The following PCDHA13 variants were observed in gnomAD, a reference collection of about 807,000 sequenced individuals.
The protein encoded by PCDHA13 is protocadherin alpha 13.
Under a neutral mutation model 64.8 loss-of-function variants are expected in PCDHA13, and 54 were observed. The ratio of observed to expected loss-of-function variants is 0.83; its 90% CI spans 0.67 to 1.04. The LOEUF is 1.04. Ranked by LOEUF, PCDHA13 falls within the 50% of genes least tolerant of loss-of-function variation. The probability of loss-of-function intolerance (pLI) is 0.00; values close to 1 mark genes in which losing one functional copy is unlikely to be tolerated. For missense variants in PCDHA13, 1,248 were observed against 1,254.3 expected, an observed-to-expected ratio of 0.99 and a Z score of 0.08; for synonymous variants, 587 against 564.4, an observed-to-expected ratio of 1.04 and a Z score of -0.57.
Position 141,009,950 on chromosome 5 carries a change from G to C in PCDHA13, c.*13G>C, listed in dbSNP as rs782235440. On this transcript the variant is annotated 3_prime_UTR_variant, in exon 4 of 4. Coordinates refer to ENST00000289272, the MANE Select transcript of PCDHA13 (RefSeq NM_018904.3). ...CAGTGACCAGTGAGGTCCTCAAATGGAAACAAGCCACTTAGCCAGTTTTTG... is the reference window on the plus strand; with the variant it reads ...CAGTGACCAGTGAGGTCCTCAAATGCAAACAAGCCACTTAGCCAGTTTTTG... 12 of 1,593,098 alleles carry C rather than the reference G, an allele frequency of 7.5e-6. No individual in the cohort carries two copies. In the East Asian group the frequency reaches 2.5e-4, roughly 33 times the overall value.
At chr5:140,952,160 G>A (rs952147312) in intron 1 of PCDHA13, among the ~76,000 whole-genome samples, 1 of 152,044 alleles carries the variant, frequency 6.6e-6, no homozygotes, top group Non-Finnish European at 1.5e-5. Context: ...GGCTTTGTGG[G>A]GTTCAGTTCC....
At position 140,924,716 on chromosome 5, in the gene PCDHA13, G is replaced by A. The variant is rs534222527; in HGVS notation, c.2394+40054G>A. On this transcript the variant is annotated intron_variant, in intron 1 of 3. Coordinates refer to ENST00000289272, the MANE Select transcript of PCDHA13 (RefSeq NM_018904.3). The stretch of plus-strand genomic sequence containing the variant: ...TCGAGACCAGCTTGTGCAACATGGC[G>A]AAACCTCACCTCTAATAAAAATACA... Among the ~76,000 whole-genome samples, 5 of 151,980 alleles carry A rather than the reference G, an allele frequency of 3.3e-5. No homozygotes were observed. The South Asian group carries it at 1.0e-3, about 32-fold the overall frequency.
Position 140,979,011 on chromosome 5 carries a change from T to C in PCDHA13, c.2453+4T>C. On this transcript the variant is annotated splice_donor_region_variant and intron_variant, in intron 2 of 3. Coordinates refer to ENST00000289272, the MANE Select transcript of PCDHA13 (RefSeq NM_018904.3). ...CCCTGAGAGCAGGCATGCACAGGTA[T>C]GTATTTCCCTCCTCATTCACTCAGA... The C allele has an allele frequency of 6.2e-7, 1 of 1,613,950 alleles. No homozygotes were observed. The highest frequency in any genetic ancestry group is 8.5e-7 in the Non-Finnish European group (1 of 1,179,938).
At chr5:140,987,588 A>G (rs1479484790) in intron 3 of PCDHA13, among the ~76,000 whole-genome samples, 1 of 152,220 alleles carries the variant, frequency 6.6e-6, no homozygotes, top group Non-Finnish European at 1.5e-5. Flanking sequence ...TGGGGAGAAT[A>G]GTGGTGTCTA....
intron 3 of PCDHA13, among the ~76,000 whole-genome samples, chr5:141,004,093 C>T (rs1016954345): frequency 1.3e-5 from 2 of 152,164 alleles, no homozygotes; most frequent in African/African-American, 4.8e-5. Flanking sequence ...GTGCTTCTTC[C>T]GTTTTCATCT....
At chr5:140,907,975 G>A (rs1242073777) in intron 1 of PCDHA13, among the ~76,000 whole-genome samples, 1 of 152,154 alleles carries the variant, frequency 6.6e-6, no homozygotes, top group Non-Finnish European at 1.5e-5. Flanking sequence ...TTCCAATCAT[G>A]CTTCTTCCAA....
intron 3 of PCDHA13, among the ~76,000 whole-genome samples, chr5:140,995,275 A>G (rs1383239362): frequency 6.6e-6 from 1 of 152,146 alleles, no homozygotes; most frequent in African/African-American, 2.4e-5. Context: ...GCCCTTTGAT[A>G]CCAAAACAGC....
chr5:140,922,799 A>T (rs1188093750), intron 1 of PCDHA13, among the ~76,000 whole-genome samples: 1 of 152,264 alleles, frequency 6.6e-6, no homozygotes, highest in Non-Finnish European at 1.5e-5. Context: ...GCTTTGGAAT[A>T]CAGAAAAAGG....
intron 1 of PCDHA13, among the ~76,000 whole-genome samples, chr5:140,917,533 T>C (rs1584058253): frequency 6.6e-6 from 1 of 152,346 alleles, no homozygotes; most frequent in East Asian, 1.9e-4. Context: ...GTTTGTATAG[T>C]TTTAGGTTTT....
Position 141,003,903 on chromosome 5 carries a change from G to C in PCDHA13, c.2543-5724G>C, listed in dbSNP as rs150270772. Among the ~76,000 whole-genome samples, 254 of 152,194 alleles carry C rather than the reference G, an allele frequency of 1.7e-3. 1 individual carries two copies. Among genetic ancestry groups the C allele is most frequent in the Non-Finnish European group, 3.4e-3 (231 of 67,998 alleles). ...AGCCTCTTAACAGGCCCATTCATTT[G>C]GGTCTTGACTGCATCCTCAGTCTTG... On this transcript the variant is annotated intron_variant, in intron 3 of 3. Coordinates refer to ENST00000289272, the MANE Select transcript of PCDHA13 (RefSeq NM_018904.3).
intron 1 of PCDHA13, among the ~76,000 whole-genome samples, chr5:140,886,663 T>G (rs1164928390): frequency 6.6e-6 from 1 of 151,786 alleles, no homozygotes; most frequent in Non-Finnish European, 1.5e-5. Flanking sequence ...CTGTCTCTAC[T>G]AAAAATACAA....
At chr5:140,929,036 C>T in intron 1 of PCDHA13, 1 of 1,614,178 alleles carries the variant, frequency 6.2e-7, no homozygotes, top group Non-Finnish European at 8.5e-7. Flanking sequence ...GGCTGTTGCG[C>T]TCAGAGCTGC....
chr5:141,001,764 G>A (rs1186356180), intron 3 of PCDHA13, among the ~76,000 whole-genome samples: 1 of 152,160 alleles, frequency 6.6e-6, no homozygotes, highest in East Asian at 1.9e-4. Context: ...GATGGCGGAT[G>A]GTTTTTGCCT....
intron 1 of PCDHA13, among the ~76,000 whole-genome samples, chr5:140,923,449 G>A (rs189150090): frequency 6.6e-6 from 1 of 152,166 alleles, no homozygotes; most frequent in African/African-American, 2.4e-5. Flanking sequence ...GATCACCTGA[G>A]CCCAGAGAGG....
chr5:140,938,679 T>C (rs574212689), intron 1 of PCDHA13, among the ~76,000 whole-genome samples: 1 of 152,302 alleles, frequency 6.6e-6, no homozygotes, highest in South Asian at 2.1e-4. Flanking sequence ...CCTAACATTT[T>C]CTTTACAGTT....
Position 140,963,207 on chromosome 5 carries a change from C to A in PCDHA13, c.2395-15742C>A, listed in dbSNP as rs180756619. Among the ~76,000 whole-genome samples, 890 of 148,428 alleles carry A rather than the reference C, an allele frequency of 6.0e-3. 8 individuals are homozygous for A. Among genetic ancestry groups the A allele is most frequent in the African/African-American group, 0.021 (788 of 38,366 alleles). On this transcript the variant is annotated intron_variant, in intron 1 of 3. Transcript: ENST00000289272. Reference sequence around the variant, plus strand: ...TAGACTGTGAAAATGAAAAAAAAAACCTCGTGTTTAGAGTAGACACTGTTT... The same window carrying A: ...TAGACTGTGAAAATGAAAAAAAAAAACTCGTGTTTAGAGTAGACACTGTTT...
At chr5:140,986,950 A>C (rs1161887732) in intron 3 of PCDHA13, among the ~76,000 whole-genome samples, 1 of 152,164 alleles carries the variant, frequency 6.6e-6, no homozygotes, top group Admixed American at 6.5e-5. Flanking sequence ...GTGGTCGCTC[A>C]TGCCTGTAAT....
intron 1 of PCDHA13, among the ~76,000 whole-genome samples, chr5:140,951,315 C>A (rs782114634): frequency 6.6e-6 from 1 of 151,988 alleles, no homozygotes; most frequent in Non-Finnish European, 1.5e-5. Context: ...ATGTGTTATT[C>A]TTGAGATTCA....
At chr5:140,929,782 A>G (rs574140858) in intron 1 of PCDHA13, 12 of 168,464 alleles carry the variant, frequency 7.1e-5, no homozygotes, top group Non-Finnish European at 1.6e-4. Context: ...AGATGTAAAA[A>G]TAAATTACAA....
Sources: allele counts gnomAD v4.1 joint callset (sites outside exome capture counted in the v4.1 genomes callset), GRCh38; gene constraint gnomAD v4.1.1; transcripts MANE v1.5; gene names NCBI Gene and HGNC (gene_info 2026-07-23, HGNC 2026-07-21).